ZMYM1: variants seen among roughly 807,000 people sequenced by gnomAD.
ZMYM1 encodes the protein zinc finger MYM-type protein 1.
ZMYM1 carries 39 observed loss-of-function variants against 60.0 expected under a neutral mutation model. The observed-to-expected ratio is 0.65, with a 90% confidence interval of 0.50 to 0.85. ZMYM1 has a LOEUF of 0.85. ZMYM1 is among the 40% of genes least tolerant of loss of function. ZMYM1 has a pLI of 0.00. For missense variants in ZMYM1, 1,171 were observed against 1,309.5 expected (o/e 0.89, Z 1.63); for synonymous variants, 413 against 454.0 (o/e 0.91, Z 1.15).
Position 35,113,262 on chromosome 1 carries a change from T to C in ZMYM1, c.1432T>C (p.Tyr478His). 1 of 1,613,052 alleles carries C rather than the reference T, an allele frequency of 6.2e-7. No individual in the cohort carries two copies. Among genetic ancestry groups the C allele is most frequent in the South Asian group, 1.1e-5 (1 of 91,052 alleles). The change falls in exon 10 of 10, where the codon TAT becomes CAT. Residue 478 changes from tyrosine to histidine, a missense_variant. By Grantham distance (83) the Tyr-to-His change is moderately conservative. Transcript: ENST00000359858. ...ENSKKDVAFC[Y>H]SCQLFCQKYF... ...CAGTAAAAAAGATGTGGCATTCTGT[T>C]ATTCATGCCAGTTGTTCTGCCAAAA...
chr1:35,107,698 CTTTTTATT>C (rs1335095192), intron 6 of ZMYM1, among the ~76,000 whole-genome samples: 1 of 151,990 alleles, frequency 6.6e-6, no homozygotes, highest in Non-Finnish European at 1.5e-5. Flanking sequence ...AATGGGGTAG[CTTTTTATT>C]TTTAAAAAGT....
chr1:35,107,587 C>G (rs1643936037), intron 6 of ZMYM1, among the ~76,000 whole-genome samples: 2 of 152,064 alleles, frequency 1.3e-5, no homozygotes, highest in African/African-American at 2.4e-5. Context: ...CCCCTTGCAT[C>G]TGAATGTAAG....
At chr1:35,078,537 ATTTTTTTTTTTTT>A (rs751468260), upstream of ZMYM1, among the ~76,000 whole-genome samples, 6 of 82,234 alleles carry the variant, frequency 7.3e-5, no homozygotes, top group African/African-American at 2.0e-4. Flanking sequence ...GGTTATTTTA[ATTTTTTTTTTTTT>A]TTTTTTTTTT....
At chr1:35,118,051 A>G (rs1638525634), downstream of ZMYM1, among the ~76,000 whole-genome samples, 3 of 151,992 alleles carry the variant, frequency 2.0e-5, no homozygotes, top group Admixed American at 2.0e-4. Context: ...CAGCCTGGCC[A>G]ACATGGTGAA....
chr1:35,075,647 G>A (rs1179507240), upstream of ZMYM1, among the ~76,000 whole-genome samples: 1 of 152,022 alleles, frequency 6.6e-6, no homozygotes, highest in Non-Finnish European at 1.5e-5. Context: ...GCCCTAATAA[G>A]AGCATTAACC....
chr1:35,102,936 G>A (rs772989777), intron 4 of ZMYM1, among the ~76,000 whole-genome samples: 1 of 152,088 alleles, frequency 6.6e-6, no homozygotes, highest in Non-Finnish European at 1.5e-5. Flanking sequence ...ATATTTTGCT[G>A]TTTCATTGAG....
At chr1:35,086,176 CTT>C (rs1642644091) in intron 1 of ZMYM1, among the ~76,000 whole-genome samples, 2 of 152,024 alleles carry the variant, frequency 1.3e-5, no homozygotes, top group African/African-American at 4.8e-5. Flanking sequence ...CATAATGTGG[CTT>C]TTTAAAATCA....
rs757222899 is a variant in ZMYM1 at position 35,115,037 on chromosome 1, A to G, written c.3207A>G (p.Leu1069=). 8.1e-6 allele frequency: 13 copies of G among 1,614,024 alleles called. No homozygotes were observed. In the South Asian group the frequency reaches 1.3e-4, roughly 16 times the overall value. ...LHSNIPCLSK[L]LYIALSWPIT... is the part of the protein sequence containing the mutation. ...GTAATATTCCTTGTCTCTCAAAGCTATTATATATTGCTTTGTCTTGGCCAA... is the reference window on the plus strand; with the variant it reads ...GTAATATTCCTTGTCTCTCAAAGCTGTTATATATTGCTTTGTCTTGGCCAA... The change falls in exon 10 of 10, where the codon CTA becomes CTG. Residue 1069 remains leucine (L), a synonymous_variant. Transcript: ENST00000359858.
At chr1:35,081,277 AG>A (rs1304040359) in intron 1 of ZMYM1, among the ~76,000 whole-genome samples, 13 of 152,308 alleles carry the variant, frequency 8.5e-5, no homozygotes, top group African/African-American at 3.1e-4. Flanking sequence ...CGAAGAAATA[AG>A]GGATAGGAGT....
At chr1:35,077,830 G>T (rs1228073506), upstream of ZMYM1, among the ~76,000 whole-genome samples, 1 of 152,118 alleles carries the variant, frequency 6.6e-6, no homozygotes, top group African/African-American at 2.4e-5. Flanking sequence ...TCAGTCTCCC[G>T]CACAGCTGGC....
intron 6 of ZMYM1, among the ~76,000 whole-genome samples, chr1:35,108,951 C>T (rs1319143717): frequency 6.6e-6 from 1 of 152,090 alleles, no homozygotes; most frequent in Non-Finnish European, 1.5e-5. Context: ...CTCAAGTGAT[C>T]TTCCTGCCTT....
At chr1:35,109,414 T>C (rs1460495965) in intron 6 of ZMYM1, among the ~76,000 whole-genome samples, 2 of 152,222 alleles carry the variant, frequency 1.3e-5, no homozygotes, top group East Asian at 3.9e-4. Flanking sequence ...CAGTAATGCC[T>C]GCCTTTCAAA....
Position 35,111,766 on chromosome 1 carries a change from TGTCA to T in ZMYM1, c.962-3_962del, listed in dbSNP as rs1489646675. 2 of 1,556,780 alleles carry T rather than the reference TGTCA, an allele frequency of 1.3e-6. No homozygotes were observed. Among genetic ancestry groups the T allele is most frequent in the Non-Finnish European group, 8.7e-7 (1 of 1,150,756 alleles). On this transcript the variant is annotated splice_acceptor_variant and splice_polypyrimidine_tract_variant and intron_variant, in intron 7 of 9. Coordinates refer to ENST00000359858, the MANE Select transcript of ZMYM1 (RefSeq NM_024772.5). LOFTEE classifies it high-confidence loss of function. ...TGTTTATAAGAAATCTTTTTATTGT[TGTCA>T]GTAAGTGTTGTTTCTGTGGTGCATG...
chr1:35,091,701 T>C (rs996238174), intron 1 of ZMYM1, among the ~76,000 whole-genome samples: 1 of 150,002 alleles, frequency 6.7e-6, no homozygotes, highest in African/African-American at 2.5e-5. Context: ...TCGAGATCAG[T>C]CTGGGCAACA....
Position 35,114,340 on chromosome 1 carries a change from C to G in ZMYM1, c.2510C>G (p.Ser837Cys), listed in dbSNP as rs765256997. The change falls in exon 10 of 10, where the codon TCT becomes TGT. Residue 837 changes from serine to cysteine, a missense_variant. Physicochemically the swap from Ser to Cys is moderately radical, Grantham distance 112 (BLOSUM62 -1). Transcript: ENST00000359858. ...IETLEVIASH[S>C]SNTSFADELS... ...ACATTGGAAGTTATAGCAAGCCATT[C>G]TTCAAATACAAGTTTCGCCGATGAA... 2 of 1,612,308 alleles carry G rather than the reference C, an allele frequency of 1.2e-6. No individual in the cohort carries two copies. The highest frequency in any genetic ancestry group is 1.1e-5 in the South Asian group (1 of 90,362).
chr1:35,093,599 A>G (rs549681111), intron 1 of ZMYM1, among the ~76,000 whole-genome samples: 1 of 152,270 alleles, frequency 6.6e-6, no homozygotes, highest in South Asian at 2.1e-4. Flanking sequence ...CCCTGGCCGA[A>G]AGCTTTACAT....
At chr1:35,060,393 C>T (rs1270831248) in intron 1 of ZMYM1, among the ~76,000 whole-genome samples, 21 of 151,574 alleles carry the variant, frequency 1.4e-4, no homozygotes, top group Admixed American at 1.3e-3. Context: ...CTCCCGACCT[C>T]TGGTGATCGA....
intron 1 of ZMYM1, among the ~76,000 whole-genome samples, chr1:35,079,663 T>TGG (rs200144484): frequency 6.6e-6 from 1 of 152,114 alleles, no homozygotes; most frequent in African/African-American, 2.4e-5. Flanking sequence ...CCTCATAGAC[T>TGG]GGGGGGGTTA....
chr1:35,112,567 T>C (rs1261332773), intron 9 of ZMYM1, among the ~76,000 whole-genome samples: 1 of 38,880 alleles, frequency 2.6e-5, no homozygotes, highest in Non-Finnish European at 6.6e-5. Context: ...TTGTATATAA[T>C]ATAAATATAT....
Sources: allele counts gnomAD v4.1 joint callset (sites outside exome capture counted in the v4.1 genomes callset), GRCh38; gene constraint gnomAD v4.1.1; transcripts MANE v1.5; gene names NCBI Gene and HGNC (gene_info 2026-07-23, HGNC 2026-07-21).